ENO4: variants seen among roughly 807,000 people sequenced by gnomAD.
The protein encoded by ENO4 is enolase 4.
Under a neutral mutation model 63.2 loss-of-function variants are expected in ENO4, and 53 were observed. The ratio of observed to expected loss-of-function variants is 0.84; its 90% CI spans 0.67 to 1.05. ENO4 has a LOEUF of 1.05. Ranked by LOEUF, ENO4 falls within the 50% of genes least tolerant of loss-of-function variation. The pLI is 0.00. For synonymous variants in ENO4, 266 were observed against 283.8 expected (o/e 0.94, Z 0.63); for missense variants, 719 against 772.0 (o/e 0.93, Z 0.81).
At chr10:116,867,718 C>T (rs1345729403) in intron 7 of ENO4, among the ~76,000 whole-genome samples, 1 of 152,140 alleles carries the variant, frequency 6.6e-6, no homozygotes, top group African/African-American at 2.4e-5. Context: ...TGTTGCAAGG[C>T]CCTGTGCTAG....
chr10:116,908,845 T>C (rs1459278570), intron 10 of ENO4, among the ~76,000 whole-genome samples: 2 of 152,194 alleles, frequency 1.3e-5, no homozygotes, highest in African/African-American at 4.8e-5. Flanking sequence ...AAGGAATCCA[T>C]TTTCCATGTT....
chr10:116,890,716 CAA>C (rs1039148255), intron 10 of ENO4, among the ~76,000 whole-genome samples: 109 of 152,316 alleles, frequency 7.2e-4, no homozygotes, highest in African/African-American at 2.3e-3. Context: ...GCCCCTACTG[CAA>C]GAGAGCCCAA....
At chr10:116,854,472 A>AT (rs1846191786) in intron 1 of ENO4, among the ~76,000 whole-genome samples, 1 of 151,914 alleles carries the variant, frequency 6.6e-6, no homozygotes, top group Non-Finnish European at 1.5e-5. Flanking sequence ...AGGCAGGAGA[A>AT]TCGCTTGAAC....
At chr10:116,871,387 A>G in intron 9 of ENO4, 95 bp downstream of exon 9, 1 of 1,115,662 alleles carries the variant, frequency 9.0e-7, no homozygotes, top group East Asian at 2.6e-5. Flanking sequence ...ATATTGTCCA[A>G]ACAGATCTTA....
intron 1 of ENO4, among the ~76,000 whole-genome samples, chr10:116,853,545 AT>A (rs1846154773): frequency 6.6e-6 from 1 of 152,194 alleles, no homozygotes; most frequent in Non-Finnish European, 1.5e-5. Context: ...AGATATAGTG[AT>A]AAAGAAGTCA....
intron 7 of ENO4, among the ~76,000 whole-genome samples, chr10:116,866,439 T>C (rs1231484054): frequency 6.6e-6 from 1 of 152,138 alleles, no homozygotes; most frequent in Non-Finnish European, 1.5e-5. Context: ...ACAGATTTGG[T>C]TTCTATTATG....
rs763748453 is a variant in ENO4 at position 116,849,604 on chromosome 10, C to T, written c.38C>T (p.Thr13Ile). 5.8e-6 allele frequency: 9 copies of T among 1,549,768 alleles called. No homozygotes were observed. Among genetic ancestry groups the T allele is most frequent in the African/African-American group, 1.4e-5 (1 of 73,140 alleles). ...GGCGGCGGCCGCAGCTGTGGGACCA[C>T]TAGGGAGCTGCAGAAGCTGAAGCAG... The part of the protein sequence containing the change: ...EEGGGRSCGT[T>I]RELQKLKQQA... Residue 13 changes from threonine to isoleucine, a missense_variant, in exon 1 of 14, where the codon ACT (threonine) becomes ATT (isoleucine). Coordinates refer to ENST00000341276, the MANE Select transcript of ENO4 (RefSeq NM_001242699.2).
At chr10:116,881,053 T>C (rs1198268190) in intron 13 of ENO4, among the ~76,000 whole-genome samples, 3 of 152,116 alleles carry the variant, frequency 2.0e-5, no homozygotes, top group Non-Finnish European at 4.4e-5. Context: ...AATAAATCTC[T>C]CCACTCCCAC....
intron 8 of ENO4, 25 bp from the exon 9 acceptor site, chr10:116,871,100 G>A (rs1189637312): frequency 3.2e-6 from 5 of 1,548,354 alleles, no homozygotes; most frequent in Non-Finnish European, 4.4e-6. Context: ...GTATTGACAT[G>A]GATCATTGTC....
intron 3 of ENO4, among the ~76,000 whole-genome samples, chr10:116,857,591 T>C (rs185814433): frequency 3.9e-4 from 59 of 152,264 alleles, no homozygotes; most frequent in African/African-American, 1.3e-3. Flanking sequence ...CTTAATTGTA[T>C]ATAACATTTT....
At chr10:116,849,877 C>T in intron 1 of ENO4, 146 bp downstream of exon 1, 1 of 969,246 alleles carries the variant, frequency 1.0e-6, no homozygotes, top group South Asian at 1.4e-5. Context: ...GAGGAGACTT[C>T]TGGAGGGAAG....
At chr10:116,891,317 T>A (rs1450879484) in intron 10 of ENO4, among the ~76,000 whole-genome samples, 1 of 152,220 alleles carries the variant, frequency 6.6e-6, no homozygotes, top group Non-Finnish European at 1.5e-5. Context: ...ATCTTTCAAA[T>A]CGCAACAGCT....
downstream of ENO4, among the ~76,000 whole-genome samples, chr10:116,887,417 C>T (rs1847200061): frequency 6.6e-6 from 1 of 152,142 alleles, no homozygotes; most frequent in Non-Finnish European, 1.5e-5. Flanking sequence ...GGCTTTCGGA[C>T]TTTTCTGGTC....
At chr10:116,890,595 C>CA (rs1333328896) in intron 10 of ENO4, among the ~76,000 whole-genome samples, 3 of 152,008 alleles carry the variant, frequency 2.0e-5, no homozygotes, top group African/African-American at 7.2e-5. Context: ...AAGACAAAAC[C>CA]AAAAACCAAA....
chr10:116,866,594 G>A (rs1846554367), intron 7 of ENO4, among the ~76,000 whole-genome samples: 1 of 152,122 alleles, frequency 6.6e-6, no homozygotes, highest in Admixed American at 6.5e-5. Context: ...GGAGGCTGAG[G>A]TGGAGAGGCC....
intron 11 of ENO4, among the ~76,000 whole-genome samples, chr10:116,876,899 C>T (rs1009688162): frequency 2.0e-5 from 3 of 151,936 alleles, no homozygotes; most frequent in East Asian, 1.9e-4. Flanking sequence ...TGCAGTGAGC[C>T]GAGATCGCGC....
chr10:116,875,147 T>C (rs1383022092), intron 10 of ENO4, among the ~76,000 whole-genome samples: 1 of 152,184 alleles, frequency 6.6e-6, no homozygotes, highest in Non-Finnish European at 1.5e-5. Context: ...ACAGATATAT[T>C]GAACAGATAT....
intron 1 of ENO4, 46 bp downstream of exon 1, chr10:116,849,777 C>T (rs1846006959): frequency 2.7e-6 from 4 of 1,466,878 alleles, no homozygotes; most frequent in Non-Finnish European, 3.6e-6. Context: ...CCCCTCTCCC[C>T]CCGCCCCGCG....
At chr10:116,901,604 G>A in intron 10 of ENO4, 3 of 985,342 alleles carry the variant, frequency 3.0e-6, no homozygotes, top group Non-Finnish European at 3.6e-6. Flanking sequence ...CTCTTAGCTA[G>A]GAGCCTAGAA....
Sources: gnomAD v4.1 joint callset for allele counts (sites outside exome capture counted in the v4.1 genomes callset) on GRCh38, gnomAD v4.1.1 for gene constraint, MANE v1.5 for transcripts, NCBI Gene and HGNC (gene_info 2026-07-23, HGNC 2026-07-21) for gene names.